Variants in CLASP2 observed in about 807,000 individuals in gnomAD.
CLASP2 encodes CLIP-associating protein 2.
CLASP2 carries 47 observed loss-of-function variants against 194.4 expected under a neutral mutation model. That is an observed-to-expected ratio of 0.24 (90% CI 0.19 to 0.31). The LOEUF is 0.31. Among genes scored for constraint, CLASP2 ranks in the 10% least tolerant of loss-of-function variants. The pLI is 1.00. For missense variants in CLASP2, 1,445 were observed against 1,823.6 expected, an observed-to-expected ratio of 0.79 and a Z score of 3.78; for synonymous variants, 619 against 633.5, an observed-to-expected ratio of 0.98 and a Z score of 0.34.
At chr3:33,686,323 A>G (rs923235943) in intron 5 of CLASP2, among the ~76,000 whole-genome samples, 2 of 152,162 alleles carry the variant, frequency 1.3e-5, no homozygotes, top group Non-Finnish European at 2.9e-5. Flanking sequence ...ATGGACTCAT[A>G]TGGGTTCATA....
chr3:33,533,516 A>G (rs1286506625), intron 34 of CLASP2, among the ~76,000 whole-genome samples: 2 of 152,232 alleles, frequency 1.3e-5, no homozygotes, highest in African/African-American at 2.4e-5. Flanking sequence ...TAATTCCTCA[A>G]TATCTAATAA....
At chr3:33,692,948 C>T (rs1018028165) in intron 2 of CLASP2, among the ~76,000 whole-genome samples, 4 of 151,882 alleles carry the variant, frequency 2.6e-5, no homozygotes, top group African/African-American at 9.7e-5. Context: ...ACCGGGTAGC[C>T]TAATTATTCT....
chr3:33,559,491 A>G, intron 28 of CLASP2, 106 bp from the exon 29 acceptor site: 1 of 672,768 alleles, frequency 1.5e-6, no homozygotes, highest in East Asian at 2.7e-5. Context: ...TCCAAAAAAC[A>G]TCCATGAAGT....
At position 33,694,153 on chromosome 3, in the gene CLASP2, G is replaced by T. The variant is rs372613727; in HGVS notation, c.274+2702C>A. 5.3e-5 allele frequency among the ~76,000 whole-genome samples: 8 copies of T among 152,178 alleles called. No individual in the cohort carries two copies. The East Asian group carries it at 1.3e-3, about 26-fold the overall frequency. On this transcript the variant is annotated intron_variant, in intron 2 of 38. Transcript: ENST00000682230. ...AAACAAGTTCAGCTAGGCCTAGAAA[G>T]AGTGAGCAAGTTTCTGATTAGCTTA...
chr3:33,560,993 G>A, intron 27 of CLASP2, 22 bp from the exon 28 acceptor site: 1 of 1,602,802 alleles, frequency 6.2e-7, no homozygotes, highest in Non-Finnish European at 8.5e-7. Flanking sequence ...AAAGGGGAGA[G>A]GTAGGGAGAA....
At chr3:33,535,719 T>C (rs931092946) in intron 33 of CLASP2, among the ~76,000 whole-genome samples, 1 of 152,098 alleles carries the variant, frequency 6.6e-6, no homozygotes, top group Non-Finnish European at 1.5e-5. Context: ...ATTATTACAG[T>C]TCCCTTGCAA....
chr3:33,522,788 T>C (rs139907896), intron 34 of CLASP2, among the ~76,000 whole-genome samples: 1,901 of 152,282 alleles, frequency 0.012, 14 homozygotes, highest in Middle Eastern at 0.044. Flanking sequence ...AATCCAATAG[T>C]GGCCGGGCGC....
intron 29 of CLASP2, among the ~76,000 whole-genome samples, chr3:33,552,732 C>T (rs958519699): frequency 2.0e-5 from 3 of 152,172 alleles, no homozygotes; most frequent in Non-Finnish European, 4.4e-5. Flanking sequence ...AAAATCTACT[C>T]TTTTAGCAAA....
chr3:33,598,454 C>G (rs1313219556), intron 18 of CLASP2, among the ~76,000 whole-genome samples: 1 of 152,170 alleles, frequency 6.6e-6, no homozygotes, highest in Non-Finnish European at 1.5e-5. Flanking sequence ...CACCCTTCCA[C>G]ATTCAAGACT....
At chr3:33,714,462 T>G (rs2093192535) in intron 1 of CLASP2, among the ~76,000 whole-genome samples, 1 of 152,212 alleles carries the variant, frequency 6.6e-6, no homozygotes, top group Non-Finnish European at 1.5e-5. Context: ...TTATTTGTTC[T>G]TCTCTCAGTC....
At chr3:33,586,611 G>A (rs1032154834) in intron 21 of CLASP2, among the ~76,000 whole-genome samples, 1 of 152,044 alleles carries the variant, frequency 6.6e-6, no homozygotes, top group Non-Finnish European at 1.5e-5. Context: ...GTCAATCAAA[G>A]CACTTTATGT....
intron 1 of CLASP2, among the ~76,000 whole-genome samples, chr3:33,713,940 A>G (rs1410059463): frequency 1.3e-5 from 2 of 152,340 alleles, no homozygotes; most frequent in East Asian, 3.9e-4. Flanking sequence ...CAGGATATTG[A>G]AGAGGTTTAT....
rs762156655 is a variant in CLASP2, at chr3:33,535,267, G to C, written c.3753C>G (p.Ala1251=). The change falls in exon 34 of 39, where the codon GCC becomes GCG. Residue 1251 remains alanine (A), a synonymous_variant. Coordinates refer to ENST00000682230, the MANE Select transcript of CLASP2 (RefSeq NM_001365631.1). ...ACTGGTCAGCATCATCATCAAACAT[G>C]GCTTCCTTGAGGGCAGACTTGTTGA... The part of the protein sequence containing the change: ...SPFNKSALKE[A]MFDDDADQFP... 6.2e-7 allele frequency: 1 copy of C among 1,613,754 alleles called. No individual in the cohort carries two copies. Among genetic ancestry groups the C allele is most frequent in the African/African-American group, 1.3e-5 (1 of 74,914 alleles).
chr3:33,616,207 C>T (rs1169482756), intron 12 of CLASP2, among the ~76,000 whole-genome samples: 1 of 152,130 alleles, frequency 6.6e-6, no homozygotes, highest in Non-Finnish European at 1.5e-5. Context: ...GGAGCTCACA[C>T]TTGTAATCCC....
rs116384011 is a variant in CLASP2, at chr3:33,579,980, T to G, written c.2347+1841A>C. On this transcript the variant is annotated intron_variant, in intron 23 of 38. Coordinates refer to ENST00000682230, the MANE Select transcript of CLASP2 (RefSeq NM_001365631.1). ...ACGTATATGTGCATGCGCATGCACA[T>G]GCACACATACAGACATTCTGCAGAC... Among the ~76,000 whole-genome samples, 9 of 152,296 alleles carry G rather than the reference T, an allele frequency of 5.9e-5. No individual in the cohort carries two copies. The East Asian group carries it at 1.7e-3, about 29-fold the overall frequency.
chr3:33,717,084 G>A (rs888842956), intron 1 of CLASP2, among the ~76,000 whole-genome samples: 1 of 152,152 alleles, frequency 6.6e-6, no homozygotes, highest in Non-Finnish European at 1.5e-5. Context: ...TCTTCAGAAA[G>A]GCTCATTCTT....
chr3:33,699,347 G>A (rs921220533), intron 1 of CLASP2, among the ~76,000 whole-genome samples: 1 of 151,574 alleles, frequency 6.6e-6, no homozygotes, highest in Non-Finnish European at 1.5e-5. Flanking sequence ...ATAATGAAAG[G>A]CATCAAACCA....
chr3:33,508,248 G>A (rs1157402188), intron 37 of CLASP2, among the ~76,000 whole-genome samples: 1 of 151,128 alleles, frequency 6.6e-6, no homozygotes, highest in Non-Finnish European at 1.5e-5. Context: ...CGAACTTCCA[G>A]GCTCAAGTGA....
rs893586826 is a variant in CLASP2, at chr3:33,498,496, C to T, written c.*135G>A. The T allele has an allele frequency of 1.3e-5, 7 of 548,108 alleles. No homozygotes were observed. Among genetic ancestry groups the T allele is most frequent in the South Asian group, 6.0e-5 (2 of 33,374 alleles). The allele number at this position is 548,108 out of a possible 1,614,324, so 34.0% of individuals were successfully genotyped here. The stretch of plus-strand genomic sequence containing the variant: ...GTCCTCTGTTACAGAAAATACAAAA[C>T]GAAACGAAACAAAAAACTAAAACTG... On this transcript the variant is annotated 3_prime_UTR_variant, in exon 39 of 39. Transcript: ENST00000682230.
Sources: allele counts gnomAD v4.1 joint callset (sites outside exome capture counted in the v4.1 genomes callset), GRCh38; gene constraint gnomAD v4.1.1; transcripts MANE v1.5; gene names NCBI Gene and HGNC (gene_info 2026-07-23, HGNC 2026-07-21).